The following LIMCH1 variants were observed in gnomAD, a reference collection of about 807,000 sequenced individuals.
LIMCH1 encodes LIM and calponin homology domains-containing protein 1.
LIMCH1 carries 113 observed loss-of-function variants against 176.5 expected under a neutral mutation model. The ratio of observed to expected loss-of-function variants is 0.64; its 90% CI spans 0.55 to 0.75. LIMCH1 has a LOEUF of 0.75. LIMCH1 is among the 30% of genes least tolerant of loss of function. The pLI is 0.00. For synonymous variants in LIMCH1, 619 were observed against 645.9 expected (o/e 0.96, Z 0.63); for missense variants, 1,674 against 1,814.9 (o/e 0.92, Z 1.41).
chr4:41,419,642 CTTTCTTCCTCCT>C (rs1233013186), intron 1 of LIMCH1, among the ~76,000 whole-genome samples: 3 of 81,682 alleles, frequency 3.7e-5, no homozygotes, highest in African/African-American at 2.4e-4. Context: ...TTCCTCCTTC[CTTTCTTCCTCCT>C]TCCTTCCTTC....
intron 1 of LIMCH1, among the ~76,000 whole-genome samples, chr4:41,403,259 A>T (rs2058647093): frequency 6.6e-6 from 1 of 152,078 alleles, no homozygotes; most frequent in Non-Finnish European, 1.5e-5. Context: ...GGTATTTAAG[A>T]TGCAAAGAAC....
At chr4:41,531,474 TCACACACACA>T (rs59275736) in intron 3 of LIMCH1, among the ~76,000 whole-genome samples, 109 of 127,080 alleles carry the variant, frequency 8.6e-4, no homozygotes, top group African/African-American at 2.6e-3. Context: ...TCTTTCTCTG[TCACACACACA>T]CACACACACA....
At chr4:41,663,695 G>A (rs984647626) in intron 20 of LIMCH1, among the ~76,000 whole-genome samples, 3 of 151,774 alleles carry the variant, frequency 2.0e-5, no homozygotes, top group South Asian at 2.1e-4. Flanking sequence ...CCAGTTGTTC[G>A]CAACCTTGAT....
chr4:41,616,525 A>G (rs1304789210), intron 5 of LIMCH1, among the ~76,000 whole-genome samples: 1 of 117,930 alleles, frequency 8.5e-6, no homozygotes, highest in Admixed American at 9.6e-5. Flanking sequence ...GCGAAACTCC[A>G]TCTCAAAAAA....
rs942654264 is a variant in LIMCH1, at chr4:41,538,312, T to C, written c.-279T>C. The C allele has an allele frequency of 2.0e-6, 2 of 985,186 alleles. No homozygotes were observed. Among genetic ancestry groups the C allele is most frequent in the Non-Finnish European group, 2.4e-6 (2 of 829,938 alleles). The allele number at this position is 985,186 out of a possible 1,614,324, so 61.0% of individuals were successfully genotyped here. On this transcript the variant is annotated 5_prime_UTR_variant, in exon 1 of 32. Transcript: ENST00000503057. ...TGCCCCTCCCATCTCCCAGAGTGGG[T>C]TGGCTGGAGTTCATTGCGGAGCATG...
At chr4:41,556,613 CA>C in intron 1 of LIMCH1, among the ~76,000 whole-genome samples, 1 of 152,178 alleles carries the variant, frequency 6.6e-6, no homozygotes. Flanking sequence ...TCCCCATCTA[CA>C]GTGGAGGAAA....
At chr4:41,609,811 TG>T (rs1428917402) in intron 4 of LIMCH1, among the ~76,000 whole-genome samples, 1 of 152,180 alleles carries the variant, frequency 6.6e-6, no homozygotes, top group East Asian at 1.9e-4. Flanking sequence ...GAAAGGAGAA[TG>T]TAGATGTGCT....
chr4:41,548,890 G>A (rs149328992), intron 1 of LIMCH1, among the ~76,000 whole-genome samples: 45 of 152,270 alleles, frequency 3.0e-4, no homozygotes, highest in Admixed American at 7.8e-4. Flanking sequence ...GGGTTGCAGT[G>A]CTGGCTCTGC....
At chr4:41,527,336 G>A (rs1199490860) in intron 3 of LIMCH1, among the ~76,000 whole-genome samples, 1 of 152,228 alleles carries the variant, frequency 6.6e-6, no homozygotes, top group African/African-American at 2.4e-5. Flanking sequence ...TCGTATTCAT[G>A]TCAAGACACT....
chr4:41,445,163 G>A (rs186932066), intron 1 of LIMCH1, among the ~76,000 whole-genome samples: 6,988 of 151,880 alleles, frequency 0.046, 226 homozygotes, highest in East Asian at 0.14. Context: ...ACACCGCCAC[G>A]CCTGGCTAAT....
At chr4:41,375,795 G>A (rs1214227465) in intron 1 of LIMCH1, among the ~76,000 whole-genome samples, 4 of 152,384 alleles carry the variant, frequency 2.6e-5, no homozygotes, top group Admixed American at 1.3e-4. Context: ...TACCCAGGGC[G>A]AGTACGGGAA....
At chr4:41,406,752 G>C (rs1357885600) in intron 1 of LIMCH1, among the ~76,000 whole-genome samples, 1 of 152,172 alleles carries the variant, frequency 6.6e-6, no homozygotes, top group Non-Finnish European at 1.5e-5. Flanking sequence ...CAGATTGCCT[G>C]GGTAATCAGA....
chr4:41,628,178 A>G (rs1240588837), intron 8 of LIMCH1, among the ~76,000 whole-genome samples: 1 of 152,198 alleles, frequency 6.6e-6, no homozygotes, highest in Non-Finnish European at 1.5e-5. Context: ...CAGTTGTGCA[A>G]GTGAAACAAA....
chr4:41,561,785 T>C (rs1200992642), intron 1 of LIMCH1, among the ~76,000 whole-genome samples: 1 of 152,142 alleles, frequency 6.6e-6, no homozygotes, highest in African/African-American at 2.4e-5. Flanking sequence ...AACAGCAGAA[T>C]GGGAAAAGTA....
In LIMCH1 at chr4:41,671,397, AACACACACAC is replaced by A. The variant is rs141018823; in HGVS notation, c.3398-123_3398-114del. 4.6e-3 allele frequency among the ~76,000 whole-genome samples: 632 copies of A among 137,580 alleles called. 2 individuals carry two copies. The highest frequency in any genetic ancestry group is 0.013 in the African/African-American group (476 of 37,622). The allele number at this position is 137,580 out of a possible 152,430, so 90.3% of individuals were successfully genotyped here. On this transcript the variant is annotated intron_variant, in intron 21 of 31. Coordinates refer to ENST00000503057, the MANE Select transcript of LIMCH1 (RefSeq NM_001330672.2). ...ATTTTCTAATGTTCTTGACTTACCAAACACACACACACACACACACACACACACACACACA... is the reference window on the plus strand; with the variant it reads ...ATTTTCTAATGTTCTTGACTTACCAAACACACACACACACACACACACACA...
intron 1 of LIMCH1, among the ~76,000 whole-genome samples, chr4:41,361,817 G>C (rs956815763): frequency 6.6e-6 from 1 of 150,612 alleles, no homozygotes; most frequent in African/African-American, 2.5e-5. Flanking sequence ...AGGGCATGAA[G>C]GGGAAAGGTG....
In LIMCH1 at chr4:41,478,491, A is replaced by C. The variant is rs913823332; in HGVS notation, c.97-16045A>C. On this transcript the variant is annotated intron_variant, in intron 1 of 26. Coordinates refer to the LIMCH1 transcript ENST00000313860. Reference sequence around the variant, plus strand: ...CTAATAACTTGTTTGGGTGAATTCTATTAGTTTCCTAACTTGAGTTTGATG... The same window carrying C: ...CTAATAACTTGTTTGGGTGAATTCTCTTAGTTTCCTAACTTGAGTTTGATG... Among the ~76,000 whole-genome samples the C allele has an allele frequency of 2.0e-5, 3 of 152,218 alleles. No homozygotes were observed. In the East Asian group the frequency reaches 5.8e-4, roughly 29 times the overall value.
intron 1 of LIMCH1, among the ~76,000 whole-genome samples, chr4:41,562,695 A>G (rs777612955): frequency 6.6e-6 from 1 of 152,162 alleles, no homozygotes; most frequent in Non-Finnish European, 1.5e-5. Context: ...AAAATAGGAA[A>G]GTTCAGGCTG....
At chr4:41,583,820 CTCT>C (rs2152692733) in intron 1 of LIMCH1, among the ~76,000 whole-genome samples, 1 of 151,474 alleles carries the variant, frequency 6.6e-6, no homozygotes, top group Non-Finnish European at 1.5e-5. Flanking sequence ...CCCTACATAT[CTCT>C]TCTTCCTTTT....
Sources: allele counts gnomAD v4.1 joint callset (sites outside exome capture counted in the v4.1 genomes callset), GRCh38; gene constraint gnomAD v4.1.1; transcripts MANE v1.5; gene names NCBI Gene and HGNC (gene_info 2026-07-23, HGNC 2026-07-21).